The following CYSTM1 variants were observed in gnomAD, a reference collection of about 807,000 sequenced individuals.
CYSTM1 encodes the protein cysteine rich transmembrane module containing 1, also known as cysteine-rich transmembrane module-containing protein 1.
A neutral mutation model predicts 13.1 loss-of-function variants in CYSTM1; 4 were observed. The observed-to-expected ratio is 0.31, with a 90% confidence interval of 0.15 to 0.70. The LOEUF (loss-of-function observed/expected upper bound fraction) is 0.70, where lower values mean the gene tolerates loss of function less well. CYSTM1 is among the 30% of genes least tolerant of loss of function. The pLI, the probability that CYSTM1 is intolerant of heterozygous loss-of-function variation, is 0.72. For synonymous variants in CYSTM1, 36 were observed against 42.7 expected (o/e 0.84, Z 0.62); for missense variants, 96 against 121.6 (o/e 0.79, Z 0.99).
In CYSTM1 at chr5:140,190,320, T is replaced by C. The variant is rs148018114; in HGVS notation, c.-20-4126T>C. On this transcript the variant is annotated intron_variant, in intron 1 of 2. Coordinates refer to ENST00000261811, the MANE Select transcript of CYSTM1 (RefSeq NM_032412.4). ...GTTTTTTTCCTTCCTCTGTTTTGTT[T>C]TGATCTGTTTTTTATGTTGGAGGCC... 6.9e-3 allele frequency among the ~76,000 whole-genome samples: 988 copies of C among 143,178 alleles called. 17 individuals carry two copies. The highest frequency in any genetic ancestry group is 0.024 in the African/African-American group (919 of 38,626). 93.9% of individuals were successfully genotyped at this position (143,178 alleles called of 152,430 possible). A position where few individuals can be genotyped will look rare whatever the true frequency, so the allele number is the denominator to read the frequency against.
chr5:140,224,859 G>A (rs148210899), intron 2 of CYSTM1, among the ~76,000 whole-genome samples: 22 of 152,260 alleles, frequency 1.4e-4, no homozygotes, highest in Non-Finnish European at 2.1e-4. Context: ...TATGCTATGG[G>A]AATACATCAG....
At chr5:140,235,120 C>T (rs547217583) in intron 2 of CYSTM1, among the ~76,000 whole-genome samples, 12 of 152,092 alleles carry the variant, frequency 7.9e-5, no homozygotes, top group African/African-American at 2.9e-4. Flanking sequence ...GCGCCCGCCA[C>T]CACGCCTGGC....
chr5:140,239,415 AG>A lies in CYSTM1; in HGVS notation c.188-3886del, dbSNP rs1764721856. Among the ~76,000 whole-genome samples, 1 of 152,302 alleles carries A rather than the reference AG, an allele frequency of 6.6e-6. No homozygotes were observed. Among genetic ancestry groups the A allele is most frequent in the South Asian group, 2.1e-4 (1 of 4,824 alleles). ...ACAGTAGTCCTAGATCCTGGGACCA[AG>A]GGGACTACTGGTTGGTGTGTCTGGT... On this transcript the variant is annotated intron_variant, in intron 2 of 2. Transcript: ENST00000261811. This position sits in a 1 kb window ranked among gnomAD's most constrained non-coding sequence, Gnocchi z 5.4.
chr5:140,226,747 C>T (rs1425819605), intron 2 of CYSTM1, among the ~76,000 whole-genome samples: 1 of 142,596 alleles, frequency 7.0e-6, no homozygotes, highest in Non-Finnish European at 1.5e-5. Context: ...GCCTGGGCAA[C>T]AAGAGTGATA....
chr5:140,224,547 G>A (rs1310122198), intron 2 of CYSTM1, among the ~76,000 whole-genome samples: 1 of 152,054 alleles, frequency 6.6e-6, no homozygotes, highest in East Asian at 1.9e-4. Flanking sequence ...TGGAGACAGG[G>A]TCTTTCTCTG....
intron 1 of CYSTM1, among the ~76,000 whole-genome samples, chr5:140,186,488 T>A (rs1764016607): frequency 6.6e-6 from 1 of 152,274 alleles, no homozygotes; most frequent in Non-Finnish European, 1.5e-5. Context: ...GAATTTCTGT[T>A]TATGCTTAGT....
At chr5:140,227,317 A>AG (rs1196887686) in intron 2 of CYSTM1, among the ~76,000 whole-genome samples, 2 of 152,126 alleles carry the variant, frequency 1.3e-5, no homozygotes, top group African/African-American at 4.8e-5. Context: ...TTGCATGGGC[A>AG]GGGGGGAGAG....
At chr5:140,176,268 G>A (rs1273681199) in intron 1 of CYSTM1, among the ~76,000 whole-genome samples, 4 of 152,166 alleles carry the variant, frequency 2.6e-5, no homozygotes, top group Non-Finnish European at 5.9e-5. Flanking sequence ...TCTCTGATGG[G>A]ATTCCTCAAA....
chr5:140,193,906 G>T (rs1463259656), intron 1 of CYSTM1, among the ~76,000 whole-genome samples: 1 of 152,230 alleles, frequency 6.6e-6, no homozygotes, highest in Non-Finnish European at 1.5e-5. Context: ...AATCCCCAGA[G>T]CAATGGTGAT....
intron 2 of CYSTM1, among the ~76,000 whole-genome samples, chr5:140,206,456 C>A (rs1764299236): frequency 6.6e-6 from 1 of 152,184 alleles, no homozygotes; most frequent in Non-Finnish European, 1.5e-5. Context: ...CCAATCTCCT[C>A]GGGCTGCTCA....
At chr5:140,188,520 G>A (rs776661460) in intron 1 of CYSTM1, among the ~76,000 whole-genome samples, 5 of 152,050 alleles carry the variant, frequency 3.3e-5, no homozygotes, top group Admixed American at 6.5e-5. Flanking sequence ...GGCTGGGCGC[G>A]GTGGCTCACG....
intron 2 of CYSTM1, among the ~76,000 whole-genome samples, chr5:140,213,509 A>G (rs947485144): frequency 6.6e-6 from 1 of 152,222 alleles, no homozygotes; most frequent in African/African-American, 2.4e-5. Flanking sequence ...TGTTCAGTAT[A>G]TATGAAGTCT....
chr5:140,222,050 C>T (rs931609532), intron 2 of CYSTM1, among the ~76,000 whole-genome samples: 13 of 152,218 alleles, frequency 8.5e-5, no homozygotes, highest in South Asian at 2.1e-4. Context: ...GCTCTAGTGG[C>T]GTGGGCTCTT....
chr5:140,195,307 C>T (rs1354072687), intron 2 of CYSTM1, among the ~76,000 whole-genome samples: 1 of 152,150 alleles, frequency 6.6e-6, no homozygotes, highest in African/African-American at 2.4e-5. Context: ...TGTAATCTTG[C>T]ATTTTACAGA....
At chr5:140,209,445 T>C (rs1764337551) in intron 2 of CYSTM1, among the ~76,000 whole-genome samples, 1 of 151,254 alleles carries the variant, frequency 6.6e-6, no homozygotes. Context: ...TTTTTTTTTT[T>C]TTGAGATGGA....
rs149504967 is a variant in CYSTM1, at chr5:140,216,855, T to A, written c.187+22203T>A. On this transcript the variant is annotated intron_variant, in intron 2 of 2. Coordinates refer to ENST00000261811, the MANE Select transcript of CYSTM1 (RefSeq NM_032412.4). ...GACCCATCCTCAGGGCTTTCTGAAG[T>A]AAGGGGAGGAAGTAGAGCCCTCTCC... is the stretch of plus-strand genomic sequence containing the variant. Among the ~76,000 whole-genome samples the A allele has an allele frequency of 6.5e-3, 986 of 151,790 alleles. 7 individuals are homozygous for A. Among genetic ancestry groups the A allele is most frequent in the African/African-American group, 0.022 (918 of 41,342 alleles).
At chr5:140,242,844 T>C (rs927791015) in intron 2 of CYSTM1, among the ~76,000 whole-genome samples, 28 of 152,226 alleles carry the variant, frequency 1.8e-4, no homozygotes, top group Admixed American at 4.6e-4. Flanking sequence ...TGCCCAGGAA[T>C]GAAAAACCAG....
chr5:140,175,456 G>A lies in CYSTM1; in HGVS notation c.-21+171G>A, dbSNP rs1387807803. On this transcript the variant is annotated intron_variant, in intron 1 of 2. Transcript: ENST00000261811. This position sits in a 1 kb window ranked among gnomAD's most constrained non-coding sequence, Gnocchi z 4.9. The stretch of plus-strand genomic sequence containing the variant: ...CCCCTGGGGAGGGGCAGGGAGGCAG[G>A]GAAGCTGCTGCCGCCAGCTGGATCC... Among the ~76,000 whole-genome samples the A allele has an allele frequency of 6.6e-6, 1 of 151,996 alleles. No individual in the cohort carries two copies. The highest frequency in any genetic ancestry group is 1.5e-5 in the Non-Finnish European group (1 of 67,964).
chr5:140,232,534 AG>A (rs1366735331), intron 2 of CYSTM1, among the ~76,000 whole-genome samples: 1 of 152,226 alleles, frequency 6.6e-6, no homozygotes, highest in East Asian at 1.9e-4. Flanking sequence ...AGGATTGATT[AG>A]TAACATCAAA....
Sources: gnomAD v4.1 joint callset for allele counts (sites outside exome capture counted in the v4.1 genomes callset) on GRCh38, gnomAD v4.1.1 for gene constraint, Gnocchi (gnomAD v3.1) non-coding constraint, MANE v1.5 for transcripts, NCBI Gene and HGNC (gene_info 2026-07-23, HGNC 2026-07-21) for gene names.